The following UBE2K variants were observed in gnomAD, a reference collection of about 807,000 sequenced individuals.
UBE2K encodes the protein ubiquitin conjugating enzyme E2 K, also known as ubiquitin-conjugating enzyme E2 K.
In UBE2K, 6 loss-of-function variants were observed where a neutral mutation model predicts 30.0. That is an observed-to-expected ratio of 0.20 (90% confidence interval 0.11 to 0.39). UBE2K has a LOEUF of 0.39. Among genes scored for constraint, UBE2K ranks in the 10% least tolerant of loss-of-function variants. The probability of loss-of-function intolerance (pLI) is 1.00; values close to 1 mark genes in which losing one functional copy is unlikely to be tolerated. For missense variants in UBE2K, 61 were observed against 241.6 expected (o/e 0.25, Z 4.96); for synonymous variants, 86 against 83.7 (o/e 1.03, Z -0.15).
rs1167463588 is a variant in UBE2K, at chr4:39,770,215, G to A, written c.300-4619G>A. 11 of 1,611,210 alleles carry A rather than the reference G, an allele frequency of 6.8e-6. No individual in the cohort carries two copies. In the Admixed American group the frequency reaches 1.5e-4, roughly 22 times the overall value. The stretch of plus-strand genomic sequence containing the variant: ...AAGCGCATGTCGCAGTAGGAGCAGC[G>A]GTAGGGCTGCGCTCCCGAGTGCAGG... On this transcript the variant is annotated intron_variant, in intron 4 of 6. Transcript: ENST00000261427.
At chr4:39,732,021 T>A (rs570125689) in intron 1 of UBE2K, among the ~76,000 whole-genome samples, 1 of 152,318 alleles carries the variant, frequency 6.6e-6, no homozygotes, top group South Asian at 2.1e-4. Context: ...TAAATAGAAG[T>A]GAGGCTAATA....
Position 39,778,610 on chromosome 4 carries a change from TA to T in UBE2K, c.*179del. On this transcript the variant is annotated 3_prime_UTR_variant, in exon 7 of 7. Coordinates refer to ENST00000261427, the MANE Select transcript of UBE2K (RefSeq NM_005339.5). ...TCCCTGCTCTGTAAATAAAGCTAAT[TA>T]AACGTCTGTGTAAATTTAAAAAGGG... 1 of 469,822 alleles carries T rather than the reference TA, an allele frequency of 2.1e-6. No individual in the cohort carries two copies. The allele number at this position is 469,822 out of a possible 1,614,324, so 29.1% of individuals were successfully genotyped here.
At chr4:39,707,561 TCTCA>T in intron 1 of UBE2K, among the ~76,000 whole-genome samples, 2 of 145,202 alleles carry the variant, frequency 1.4e-5, no homozygotes, top group Admixed American at 7.0e-5. Context: ...TGAGATGGGG[TCTCA>T]CTCTGTCGCC....
At chr4:39,743,044 A>AG (rs1405719563) in intron 2 of UBE2K, among the ~76,000 whole-genome samples, 1 of 146,728 alleles carries the variant, frequency 6.8e-6, no homozygotes, top group Non-Finnish European at 1.5e-5. Flanking sequence ...ACCCTGTCTC[A>AG]GGAAAAAAAA....
chr4:39,773,044 T>C (rs564219439), intron 4 of UBE2K, among the ~76,000 whole-genome samples: 9 of 152,234 alleles, frequency 5.9e-5, no homozygotes, highest in Non-Finnish European at 5.9e-5. Context: ...AGGTAGATAC[T>C]ATTTTTTAGA....
chr4:39,740,050 A>G (rs1000034657), intron 2 of UBE2K, among the ~76,000 whole-genome samples: 4 of 151,694 alleles, frequency 2.6e-5, no homozygotes, highest in African/African-American at 7.3e-5. Context: ...CCTTTTTGCA[A>G]TCATTAAATG....
Position 39,777,770 on chromosome 4 carries a change from C to G in UBE2K, c.488C>G (p.Thr163Ser). 3.2e-6 allele frequency: 5 copies of G among 1,548,496 alleles called. No homozygotes were observed. The highest frequency in any genetic ancestry group is 2.6e-6 in the Non-Finnish European group (3 of 1,156,818). Residue 163 changes from threonine (T) to serine (S), a missense_variant, in exon 6 of 7, where the codon ACC (threonine) becomes AGC (serine). Thr to Ser is a moderately conservative substitution (Grantham distance 58). Transcript: ENST00000261427. ...GCACCAGTTTCTAGTCCAGAATACACCAAAAAAATAGAAAACCTATGTGCT... is the reference window on the plus strand; with the variant it reads ...GCACCAGTTTCTAGTCCAGAATACAGCAAAAAAATAGAAAACCTATGTGCT... ...AGAPVSSPEY[T>S]KKIENLCAMG...
At chr4:39,759,219 A>C (rs949888923) in intron 4 of UBE2K, among the ~76,000 whole-genome samples, 1 of 152,186 alleles carries the variant, frequency 6.6e-6, no homozygotes, top group Non-Finnish European at 1.5e-5. Context: ...TTATTAATGC[A>C]TCTAGGGGTG....
At chr4:39,772,590 G>T (rs1712966588) in intron 4 of UBE2K, among the ~76,000 whole-genome samples, 2 of 136,654 alleles carry the variant, frequency 1.5e-5, no homozygotes, top group Admixed American at 7.7e-5. Flanking sequence ...AAAAAAAGAA[G>T]AATGATCTAA....
intron 1 of UBE2K, among the ~76,000 whole-genome samples, chr4:39,730,040 A>G (rs1001076557): frequency 6.6e-6 from 1 of 152,240 alleles, no homozygotes; most frequent in African/African-American, 2.4e-5. Context: ...GGTTAGAGAA[A>G]ATTTCTAGTT....
At chr4:39,770,489 G>T in intron 4 of UBE2K, 1 of 1,610,522 alleles carries the variant, frequency 6.2e-7, no homozygotes, top group East Asian at 2.2e-5. Flanking sequence ...TTCCACCTGA[G>T]AAGCTCCCAG....
chr4:39,766,390 G>A (rs1209522662), intron 4 of UBE2K, among the ~76,000 whole-genome samples: 1 of 151,848 alleles, frequency 6.6e-6, no homozygotes, highest in African/African-American at 2.4e-5. Flanking sequence ...TAGTGGTGTT[G>A]AGCATCTTTT....
rs1713654274 is a variant in UBE2K, at chr4:39,782,195, A to C, written c.*3761A>C. On this transcript the variant is annotated 3_prime_UTR_variant, in exon 7 of 7. Transcript: ENST00000261427. ...TATTTCAACCATGCTGCTATATATA[A>C]TCAGGTGTGGCACAGTTTGTCAGTT... The C allele has an allele frequency of 2.7e-6, 1 of 374,566 alleles. No individual in the cohort carries two copies. Among genetic ancestry groups the C allele is most frequent in the Non-Finnish European group, 4.7e-6 (1 of 210,942 alleles). 23.2% of individuals were successfully genotyped at this position (374,566 alleles called of 1,614,324 possible).
rs1051851688 is a variant in UBE2K, at chr4:39,718,936, A to G, written c.64-18484A>G. ...AGCTGGCTCCGGCCTCGGCCATCCC[A>G]GGAAGGGGCTCCCACAGTGCAGCGG... On this transcript the variant is annotated intron_variant, in intron 1 of 6. Coordinates refer to ENST00000261427, the MANE Select transcript of UBE2K (RefSeq NM_005339.5). Among the ~76,000 whole-genome samples, 4 of 152,332 alleles carry G rather than the reference A, an allele frequency of 2.6e-5. No homozygotes were observed. In the East Asian group the frequency reaches 5.8e-4, roughly 22 times the overall value.
chr4:39,724,667 G>T (rs552504281), intron 1 of UBE2K, among the ~76,000 whole-genome samples: 23 of 151,690 alleles, frequency 1.5e-4, no homozygotes, highest in South Asian at 4.2e-4. Flanking sequence ...TACTTGGGGG[G>T]GCTGAGGCAG....
At chr4:39,751,744 G>A (rs181539685) in intron 3 of UBE2K, among the ~76,000 whole-genome samples, 62 of 152,172 alleles carry the variant, frequency 4.1e-4, no homozygotes, top group African/African-American at 1.3e-3. Flanking sequence ...AGGCTGAGGC[G>A]GGCGGATCAC....
chr4:39,698,351 A>C lies in UBE2K; in HGVS notation c.24A>C (p.Arg8=), dbSNP rs765254889. The change falls in exon 1 of 7, where the codon CGA becomes CGC. Residue 8 remains arginine (R), a synonymous_variant. Transcript: ENST00000261427. ...ACATGGCCAACATCGCGGTGCAGCG[A>C]ATCAAGCGGGAGTTCAAGGAGGTGC... MANIAVQ[R]IKREFKEVLK... 4 of 1,613,344 alleles carry C rather than the reference A, an allele frequency of 2.5e-6. No individual in the cohort carries two copies. Among genetic ancestry groups the C allele is most frequent in the Non-Finnish European group, 3.4e-6 (4 of 1,179,784 alleles).
At chr4:39,717,730 G>A (rs1719164090) in intron 1 of UBE2K, among the ~76,000 whole-genome samples, 1 of 152,192 alleles carries the variant, frequency 6.6e-6, no homozygotes. Flanking sequence ...CCCTTGCGGT[G>A]AGTGTTAACA....
intron 3 of UBE2K, among the ~76,000 whole-genome samples, chr4:39,752,311 AT>A (rs751312791): frequency 0.087 from 10,287 of 118,430 alleles, 483 homozygotes; most frequent in Non-Finnish European, 0.13. Flanking sequence ...CGCCTGGCTA[AT>A]TTTTTTTTTT....
Sources: gnomAD v4.1 joint callset for allele counts (sites outside exome capture counted in the v4.1 genomes callset) on GRCh38, gnomAD v4.1.1 for gene constraint, MANE v1.5 for transcripts, NCBI Gene and HGNC (gene_info 2026-07-23, HGNC 2026-07-21) for gene names.